Variants in MECOM observed in about 807,000 individuals in gnomAD.
MECOM encodes histone-lysine N-methyltransferase MECOM.
A neutral mutation model predicts 116.3 loss-of-function variants in MECOM; 13 were observed. The ratio of observed to expected loss-of-function variants is 0.11; its 90% CI spans 0.07 to 0.18. MECOM has a LOEUF of 0.18. MECOM is among the 10% of genes least tolerant of loss of function. The pLI is 1.00. For synonymous variants in MECOM, 528 were observed against 535.2 expected (o/e 0.99, Z 0.19); for missense variants, 1,299 against 1,509.0 (o/e 0.86, Z 2.31).
chr3:169,482,131 C>T (rs1751381441), intron 1 of MECOM, among the ~76,000 whole-genome samples: 1 of 151,786 alleles, frequency 6.6e-6, no homozygotes, highest in African/African-American at 2.4e-5. Context: ...TCTTTTACCT[C>T]CACCACGATC....
At chr3:169,610,976 T>C (rs1177813629) in intron 1 of MECOM, among the ~76,000 whole-genome samples, 1 of 152,152 alleles carries the variant, frequency 6.6e-6, no homozygotes, top group East Asian at 1.9e-4. Context: ...GGTTTCACAG[T>C]TTACTGGTCT....
chr3:169,599,913 C>T lies in MECOM; in HGVS notation c.37+63423G>A, dbSNP rs747885603. On this transcript the variant is annotated intron_variant, in intron 1 of 16. Transcript: ENST00000651503. ...AGTTAAAAGGAAGTCATAATTAACACTATGCCAGTTGAAGATTTATGTATG... is the reference window on the plus strand; with the variant it reads ...AGTTAAAAGGAAGTCATAATTAACATTATGCCAGTTGAAGATTTATGTATG... Among the ~76,000 whole-genome samples, 26 of 152,266 alleles carry T rather than the reference C, an allele frequency of 1.7e-4. 1 individual carries two copies. Among genetic ancestry groups the T allele is most frequent in the Non-Finnish European group, 3.5e-4 (24 of 68,010 alleles).
At chr3:169,527,359 T>C (rs1223200425) in intron 1 of MECOM, among the ~76,000 whole-genome samples, 1 of 152,232 alleles carries the variant, frequency 6.6e-6, no homozygotes, top group Non-Finnish European at 1.5e-5. Context: ...TGTATCACTA[T>C]AGCAGCATGA....
chr3:169,146,388 C>A, intron 2 of MECOM: 1 of 1,387,750 alleles, frequency 7.2e-7, no homozygotes, highest in South Asian at 1.1e-5. Context: ...TGTGCGTCCC[C>A]GAAACCGACG....
intron 1 of MECOM, among the ~76,000 whole-genome samples, chr3:169,385,360 A>C (rs1353478138): frequency 6.6e-6 from 1 of 152,190 alleles, no homozygotes; most frequent in Non-Finnish European, 1.5e-5. Flanking sequence ...AGAACAACTT[A>C]CATAGGTCAA....
At position 169,174,103 on chromosome 3, in the gene MECOM, A is replaced by G. The variant is rs143480898; in HGVS notation, c.376-30271T>C. On this transcript the variant is annotated intron_variant, in intron 2 of 16. Transcript: ENST00000651503. ...CATTTTAAAGATTTCATCTCCAGAAATGATGGCAAATTTTCAAACTCCCAG... is the reference window on the plus strand; with the variant it reads ...CATTTTAAAGATTTCATCTCCAGAAGTGATGGCAAATTTTCAAACTCCCAG... Among the ~76,000 whole-genome samples, 73 of 152,306 alleles carry G rather than the reference A, an allele frequency of 4.8e-4. 1 individual carries two copies. The East Asian group carries it at 0.013, about 27-fold the overall frequency.
At chr3:169,199,319 C>T (rs1047074127) in intron 2 of MECOM, among the ~76,000 whole-genome samples, 1 of 152,016 alleles carries the variant, frequency 6.6e-6, no homozygotes, top group African/African-American at 2.4e-5. Flanking sequence ...TCTTTGTTCA[C>T]AGTGAAGTGG....
At chr3:169,372,700 T>C (rs1730343924) in intron 2 of MECOM, among the ~76,000 whole-genome samples, 1 of 152,048 alleles carries the variant, frequency 6.6e-6, no homozygotes, top group Admixed American at 6.6e-5. Context: ...TCTGCTGTTG[T>C]CTTGTTAACA....
At chr3:169,519,545 G>A (rs926958015) in intron 1 of MECOM, among the ~76,000 whole-genome samples, 8 of 152,178 alleles carry the variant, frequency 5.3e-5, no homozygotes, top group Admixed American at 5.2e-4. Flanking sequence ...GTGATACTGT[G>A]GTTTGTACTA....
intron 2 of MECOM, among the ~76,000 whole-genome samples, chr3:169,300,855 G>A (rs1332627276): frequency 6.6e-6 from 1 of 152,154 alleles, no homozygotes; most frequent in East Asian, 1.9e-4. Context: ...TTCTATACTG[G>A]AGCCTGGGGT....
intron 1 of MECOM, among the ~76,000 whole-genome samples, chr3:169,657,797 G>C (rs1052763547): frequency 6.6e-6 from 1 of 152,214 alleles, no homozygotes; most frequent in African/African-American, 2.4e-5. Flanking sequence ...CTTGTAAACA[G>C]TTTCTTCCCT....
chr3:169,205,352 G>A (rs1380353328), intron 2 of MECOM, among the ~76,000 whole-genome samples: 1 of 152,114 alleles, frequency 6.6e-6, no homozygotes, highest in Non-Finnish European at 1.5e-5. Context: ...CTAAGATTAA[G>A]CATAGGTTTT....
At chr3:169,542,001 A>G (rs1419427543) in intron 1 of MECOM, among the ~76,000 whole-genome samples, 1 of 152,190 alleles carries the variant, frequency 6.6e-6, no homozygotes, top group Non-Finnish European at 1.5e-5. Flanking sequence ...ATGTTCTTGT[A>G]TTACTAGAAG....
chr3:169,436,955 C>A (rs932105355), intron 1 of MECOM, among the ~76,000 whole-genome samples: 4 of 151,998 alleles, frequency 2.6e-5, no homozygotes, highest in Non-Finnish European at 5.9e-5. Flanking sequence ...GGGTAATTTT[C>A]TTTCTGGAAT....
At chr3:169,512,945 T>C (rs1356791121) in intron 1 of MECOM, among the ~76,000 whole-genome samples, 1 of 152,192 alleles carries the variant, frequency 6.6e-6, no homozygotes, top group African/African-American at 2.4e-5. Context: ...AGACAGAAGC[T>C]CTGTACAAAA....
At chr3:169,657,049 A>G (rs796876351) in intron 1 of MECOM, among the ~76,000 whole-genome samples, 9 of 152,360 alleles carry the variant, frequency 5.9e-5, no homozygotes, top group African/African-American at 2.2e-4. Flanking sequence ...AAAAATGCCT[A>G]GAAACAAAAC....
intron 1 of MECOM, among the ~76,000 whole-genome samples, chr3:169,455,773 A>G (rs1288687902): frequency 6.6e-6 from 1 of 152,210 alleles, no homozygotes; most frequent in Non-Finnish European, 1.5e-5. Context: ...TATGAAACTC[A>G]GGATCCTATG....
chr3:169,223,839 C>G (rs1752413194), intron 2 of MECOM, among the ~76,000 whole-genome samples: 1 of 152,128 alleles, frequency 6.6e-6, no homozygotes, highest in East Asian at 1.9e-4. Context: ...GACCGTGAGC[C>G]CCTCTATTCT....
chr3:169,474,095 C>T (rs943040226), intron 1 of MECOM, among the ~76,000 whole-genome samples: 1 of 152,164 alleles, frequency 6.6e-6, no homozygotes, highest in Non-Finnish European at 1.5e-5. Context: ...CCACGTGCCA[C>T]CTCTCATTCA....
Sources: gnomAD v4.1 joint callset for allele counts (sites outside exome capture counted in the v4.1 genomes callset) on GRCh38, gnomAD v4.1.1 for gene constraint, MANE v1.5 for transcripts, NCBI Gene and HGNC (gene_info 2026-07-23, HGNC 2026-07-21) for gene names.